The following FOXN3 variants were observed in gnomAD, a reference collection of about 807,000 sequenced individuals.
The protein encoded by FOXN3 is forkhead box N3.
Under a neutral mutation model 38.4 loss-of-function variants are expected in FOXN3, and 7 were observed. The ratio of observed to expected loss-of-function variants is 0.18; its 90% CI spans 0.10 to 0.34. FOXN3 has a LOEUF of 0.34. Among genes scored for constraint, FOXN3 ranks in the 10% least tolerant of loss-of-function variants. The probability of loss-of-function intolerance (pLI) is 1.00; values close to 1 mark genes in which losing one functional copy is unlikely to be tolerated. For missense variants in FOXN3, 456 were observed against 613.4 expected (o/e 0.74, Z 2.71); for synonymous variants, 230 against 242.2 (o/e 0.95, Z 0.47).
At chr14:89,386,342 G>A (rs900425372) in intron 2 of FOXN3, among the ~76,000 whole-genome samples, 1 of 152,224 alleles carries the variant, frequency 6.6e-6, no homozygotes, top group Non-Finnish European at 1.5e-5. Flanking sequence ...AGGAGCACTG[G>A]AGTCAGGGAC....
chr14:89,375,706 C>T (rs974301355), intron 2 of FOXN3, among the ~76,000 whole-genome samples: 2 of 152,178 alleles, frequency 1.3e-5, no homozygotes, highest in Non-Finnish European at 2.9e-5. Flanking sequence ...AATATAAATT[C>T]ATGAAAATAA....
At chr14:89,517,423 T>C (rs1894229779) in intron 1 of FOXN3, among the ~76,000 whole-genome samples, 1 of 150,416 alleles carries the variant, frequency 6.6e-6, no homozygotes, top group Non-Finnish European at 1.5e-5. Flanking sequence ...GGAAGCACGA[T>C]GGCTTCTGAG....
chr14:89,232,178 G>A (rs1008581693), intron 4 of FOXN3, among the ~76,000 whole-genome samples: 7 of 152,344 alleles, frequency 4.6e-5, no homozygotes, highest in African/African-American at 1.4e-4. Context: ...TGACCTGCTA[G>A]TAACCTGGGC....
chr14:89,394,918 A>G (rs1170786403), intron 2 of FOXN3, among the ~76,000 whole-genome samples: 2 of 152,224 alleles, frequency 1.3e-5, no homozygotes, highest in African/African-American at 4.8e-5. Flanking sequence ...AATTGTAATA[A>G]CAGCATAGGA....
At chr14:89,192,944 C>T (rs1439863716) in intron 4 of FOXN3, among the ~76,000 whole-genome samples, 1 of 152,090 alleles carries the variant, frequency 6.6e-6, no homozygotes, top group Admixed American at 6.6e-5. Context: ...GCAAGCAGCA[C>T]TCACAGCCCC....
Position 89,518,655 on chromosome 14 carries a change from T to C in FOXN3, c.-15+100373A>G, listed in dbSNP as rs189361073. ...TAAAATGTTTAAACATAGGGAGAGA[T>C]GAATTTCAACCACTGGTGATCAGAA... On this transcript the variant is annotated intron_variant, in intron 1 of 6. Coordinates refer to the FOXN3 transcript ENST00000345097. 1.7e-3 allele frequency among the ~76,000 whole-genome samples: 256 copies of C among 152,322 alleles called. 5 individuals carry two copies. The highest frequency in any genetic ancestry group is 1.8e-4 in the Non-Finnish European group (12 of 68,040).
chr14:89,606,695 T>C (rs1896282650), intron 1 of FOXN3, among the ~76,000 whole-genome samples: 1 of 151,790 alleles, frequency 6.6e-6, no homozygotes, highest in African/African-American at 2.4e-5. Flanking sequence ...ACCAAAAGTA[T>C]AAAAATTAGC....
At chr14:89,595,483 AT>A (rs1896039861) in intron 1 of FOXN3, among the ~76,000 whole-genome samples, 1 of 152,108 alleles carries the variant, frequency 6.6e-6, no homozygotes, top group Admixed American at 6.6e-5. Context: ...TCTAATGTAA[AT>A]TCATGTTCTG....
intron 1 of FOXN3, among the ~76,000 whole-genome samples, chr14:89,559,377 T>TA (rs1211491700): frequency 9.2e-5 from 14 of 151,992 alleles, no homozygotes; most frequent in Non-Finnish European, 1.6e-4. Context: ...ATTCCATCTC[T>TA]AAACAATGTA....
In FOXN3 at chr14:89,180,761, C is replaced by T; in HGVS notation, c.791G>A (p.Gly264Glu). 6.2e-7 allele frequency: 1 copy of T among 1,612,776 alleles called. No individual in the cohort carries two copies. Among genetic ancestry groups the T allele is most frequent in the Non-Finnish European group, 8.5e-7 (1 of 1,179,500 alleles). The change falls in exon 5 of 6, where the codon GGG becomes GAG. Residue 264 changes from glycine (G) to glutamate (E), a missense_variant. Gly to Glu is a moderately conservative substitution (Grantham distance 98). Transcript: ENST00000557258. ...IQNGARVLSRGLFPGVRPLPI... is the reference protein window; with the variant it reads ...IQNGARVLSRELFPGVRPLPI... ...CAGCGGCCGCACGCCAGGAAACAGCCCTCGGCTCAGGACCCGCGCTCCATT... is the reference window on the plus strand; with the variant it reads ...CAGCGGCCGCACGCCAGGAAACAGCTCTCGGCTCAGGACCCGCGCTCCATT...
intron 4 of FOXN3, among the ~76,000 whole-genome samples, chr14:89,256,730 G>A (rs770997949): frequency 6.6e-6 from 1 of 152,098 alleles, no homozygotes; most frequent in East Asian, 1.9e-4. Flanking sequence ...GCATCCATTG[G>A]CCTCAATGTT....
chr14:89,401,610 G>C, intron 2 of FOXN3: 1 of 455,910 alleles, frequency 2.2e-6, no homozygotes, highest in South Asian at 1.5e-5. Flanking sequence ...TTGGAGATTC[G>C]GGACTTTTCT....
intron 1 of FOXN3, among the ~76,000 whole-genome samples, chr14:89,530,087 G>A (rs61996509): frequency 0.2 from 30,671 of 151,832 alleles, 3,780 homozygotes; most frequent in Non-Finnish European, 0.27. Context: ...TTACAGGTGT[G>A]TGCCACCACG....
chr14:89,520,422 T>C (rs573024260), intron 1 of FOXN3, among the ~76,000 whole-genome samples: 1 of 152,096 alleles, frequency 6.6e-6, no homozygotes, highest in African/African-American at 2.4e-5. Flanking sequence ...GTCTCACTGG[T>C]TGGGAAAACC....
chr14:89,426,177 C>T lies in FOXN3; in HGVS notation c.-14-13687G>A, dbSNP rs547638608. Among the ~76,000 whole-genome samples the T allele has an allele frequency of 2.2e-4, 32 of 147,904 alleles. No individual in the cohort carries two copies. The East Asian group carries it at 5.3e-3, about 25-fold the overall frequency. On this transcript the variant is annotated intron_variant, in intron 1 of 6. Coordinates refer to the FOXN3 transcript ENST00000345097. ...GTGCACACTGAATGACTCATTTGTA[C>T]GTGTCCATGAGTGACCACAAAAGCA...
chr14:89,262,024 A>G (rs2139893018), intron 4 of FOXN3, among the ~76,000 whole-genome samples: 1 of 152,310 alleles, frequency 6.6e-6, no homozygotes, highest in South Asian at 2.1e-4. Context: ...GAATTACTCG[A>G]ATCCAGGAGG....
intron 3 of FOXN3, among the ~76,000 whole-genome samples, chr14:89,289,599 T>C (rs1209871100): frequency 3.3e-5 from 5 of 152,234 alleles, no homozygotes; most frequent in African/African-American, 7.2e-5. Context: ...ATAATTCAAA[T>C]TTATACTTTT....
intron 3 of FOXN3, among the ~76,000 whole-genome samples, chr14:89,297,804 C>T (rs537378933): frequency 1.2e-4 from 18 of 152,038 alleles, no homozygotes; most frequent in Admixed American, 4.6e-4. Context: ...ATAGCAAGAC[C>T]CTGATTCTAC....
chr14:89,285,233 G>A (rs1886588306), intron 3 of FOXN3, among the ~76,000 whole-genome samples: 2 of 152,142 alleles, frequency 1.3e-5, no homozygotes, highest in East Asian at 3.9e-4. Context: ...ACAAAAGAGA[G>A]AAGTGGGCCA....
Sources: allele counts gnomAD v4.1 joint callset (sites outside exome capture counted in the v4.1 genomes callset), GRCh38; gene constraint gnomAD v4.1.1; transcripts MANE v1.5; gene names NCBI Gene and HGNC (gene_info 2026-07-23, HGNC 2026-07-21).